HAUS2: variants seen among roughly 807,000 people sequenced by gnomAD.
HAUS2 encodes HAUS augmin-like complex subunit 2.
Under a neutral mutation model 21.6 loss-of-function variants are expected in HAUS2, and 20 were observed. The ratio of observed to expected loss-of-function variants is 0.93; its 90% confidence interval spans 0.65 to 1.35. The LOEUF is 1.35. Ranked by LOEUF, HAUS2 falls within the 40% of genes most tolerant of loss-of-function variation. The probability of loss-of-function intolerance (pLI) is 0.00; values close to 1 mark genes in which losing one functional copy is unlikely to be tolerated. For missense variants in HAUS2, 297 were observed against 280.7 expected (o/e 1.06, Z -0.42); for synonymous variants, 113 against 95.6 (o/e 1.18, Z -1.06).
At chr15:42,564,617 TGAGTAGG>T (rs2057887884) in intron 5 of HAUS2, among the ~76,000 whole-genome samples, 1 of 152,196 alleles carries the variant, frequency 6.6e-6, no homozygotes, top group Non-Finnish European at 1.5e-5. Context: ...AGGAGGATTC[TGAGTAGG>T]ATAGGGATAG....
intron 4 of HAUS2, 57 bp downstream of exon 4, chr15:42,561,459 T>G: frequency 1.7e-6 from 2 of 1,151,188 alleles, no homozygotes; most frequent in Non-Finnish European, 2.6e-6. Context: ...TTACTTTTTG[T>G]TTTGCAGTTA....
At chr15:42,550,237 G>T (rs762362384) in intron 1 of HAUS2, among the ~76,000 whole-genome samples, 3 of 149,806 alleles carry the variant, frequency 2.0e-5, no homozygotes, top group Non-Finnish European at 3.0e-5. Flanking sequence ...AGATGCGATC[G>T]GGCCACTGCA....
chr15:42,549,381 C>T (rs1421694821), intron 1 of HAUS2, among the ~76,000 whole-genome samples: 1 of 151,956 alleles, frequency 6.6e-6, no homozygotes, highest in Non-Finnish European at 1.5e-5. Context: ...GTATTTGGGG[C>T]GGGAGGTGCT....
chr15:42,559,214 A>G (rs981518626), intron 2 of HAUS2, 125 bp from the exon 3 acceptor site: 1 of 636,598 alleles, frequency 1.6e-6, no homozygotes, highest in Non-Finnish European at 2.9e-6. Flanking sequence ...GGCTCACTAC[A>G]TCCTGACCTC....
At position 42,569,465 on chromosome 15, in the gene HAUS2, C is replaced by G. The variant is rs942338465; in HGVS notation, c.*2649C>G. ...GGGACTATAGGCACGCGCCACCACG[C>G]CTGGCTAATTTTTGTATTTTCTGTA... On this transcript the variant is annotated 3_prime_UTR_variant, in exon 6 of 6. Coordinates refer to ENST00000260372, the MANE Select transcript of HAUS2 (RefSeq NM_018097.3). 1 of 152,034 alleles carries G rather than the reference C, an allele frequency of 6.6e-6. No individual in the cohort carries two copies. Among genetic ancestry groups the G allele is most frequent in the African/African-American group, 2.4e-5 (1 of 41,380 alleles). The allele number at this position is 152,034 out of a possible 1,614,324, so 9.4% of individuals were successfully genotyped here.
At chr15:42,560,620 C>CTT (rs35827490) in intron 3 of HAUS2, among the ~76,000 whole-genome samples, 8,861 of 140,078 alleles carry the variant, frequency 0.063, 869 homozygotes, top group African/African-American at 0.21. Context: ...TGTAGGATGA[C>CTT]TTTTTTTTTT....
chr15:42,557,323 A>ATATATTATATATAATATG (rs2057789440), intron 1 of HAUS2, among the ~76,000 whole-genome samples: 1 of 45,408 alleles, frequency 2.2e-5, no homozygotes, highest in Non-Finnish European at 6.6e-5. Flanking sequence ...TTAAAAATAT[A>ATATATTATATATAATATG]TATATTATAT....
chr15:42,565,820 C>T (rs2057899925), intron 5 of HAUS2, among the ~76,000 whole-genome samples: 1 of 152,082 alleles, frequency 6.6e-6, no homozygotes, highest in Non-Finnish European at 1.5e-5. Flanking sequence ...TAGAACTTGG[C>T]TATGAATTGG....
Position 42,548,883 on chromosome 15 carries a change from C to T in HAUS2, c.11C>T (p.Ala4Val). ...AGGTGCGTCCGAGCCATGGCCGCTG[C>T]CAACCCGTGGGACCCGGCGTCCGCG... MAAANPWDPASAPN... is the reference protein window; with the variant it reads MAAVNPWDPASAPN... Residue 4 changes from alanine (A) to valine (V), a missense_variant, in exon 1 of 6, where the codon GCC becomes GTC. By Grantham distance (64) the Ala-to-Val change is moderately conservative (BLOSUM62 0). Coordinates refer to ENST00000260372, the MANE Select transcript of HAUS2 (RefSeq NM_018097.3). 2 of 1,549,768 alleles carry T rather than the reference C, an allele frequency of 1.3e-6. No individual in the cohort carries two copies. Among genetic ancestry groups the T allele is most frequent in the South Asian group, 1.2e-5 (1 of 84,000 alleles).
At chr15:42,560,344 T>A (rs1298034832) in intron 3 of HAUS2, among the ~76,000 whole-genome samples, 3 of 152,036 alleles carry the variant, frequency 2.0e-5, no homozygotes, top group African/African-American at 4.8e-5. Context: ...GTAAAAAATA[T>A]CATGCTGTCT....
chr15:42,563,970 A>G (rs926304427), intron 5 of HAUS2, 113 bp downstream of exon 5: 4 of 677,308 alleles, frequency 5.9e-6, no homozygotes, highest in African/African-American at 5.6e-5. Flanking sequence ...TTTTAAATCA[A>G]GAAGTATTTT....
At chr15:42,550,539 T>G (rs1392935393) in intron 1 of HAUS2, among the ~76,000 whole-genome samples, 1 of 152,240 alleles carries the variant, frequency 6.6e-6, no homozygotes, top group Non-Finnish European at 1.5e-5. Context: ...GATACTGTAT[T>G]AAAAGATTTT....
At position 42,553,598 on chromosome 15, in the gene HAUS2, C is replaced by T. The variant is rs112555109; in HGVS notation, c.94-4600C>T. ...CAGGGATTACAGGTGAGAGCCACTG[C>T]ACCTGACCCTCTTTCTTTCTTCTCT... On this transcript the variant is annotated intron_variant, in intron 1 of 5. Coordinates refer to ENST00000260372, the MANE Select transcript of HAUS2 (RefSeq NM_018097.3). Among the ~76,000 whole-genome samples, 549 of 152,202 alleles carry T rather than the reference C, an allele frequency of 3.6e-3. 2 individuals carry two copies. The highest frequency in any genetic ancestry group is 0.013 in the African/African-American group (528 of 41,528).
intron 1 of HAUS2, among the ~76,000 whole-genome samples, chr15:42,555,532 G>A (rs2057764094): frequency 6.6e-6 from 1 of 152,162 alleles, no homozygotes; most frequent in African/African-American, 2.4e-5. Flanking sequence ...TAGCACTCAG[G>A]ATCATCTATG....
chr15:42,556,128 T>G (rs1486852256), intron 1 of HAUS2, among the ~76,000 whole-genome samples: 3 of 150,136 alleles, frequency 2.0e-5, no homozygotes, highest in Admixed American at 6.6e-5. Context: ...GCTAATTTTT[T>G]TTTTTTTTTT....
rs1165021091 is a variant in HAUS2, at chr15:42,548,871, C to G, written c.-2C>G. On this transcript the variant is annotated 5_prime_UTR_variant, in exon 1 of 6. Transcript: ENST00000260372. Reference sequence around the variant, plus strand: ...CGCCTTCGCGGAAGGTGCGTCCGAGCCATGGCCGCTGCCAACCCGTGGGAC... The same window carrying G: ...CGCCTTCGCGGAAGGTGCGTCCGAGGCATGGCCGCTGCCAACCCGTGGGAC... The G allele has an allele frequency of 6.5e-6, 10 of 1,548,034 alleles. No homozygotes were observed. The Admixed American group carries it at 2.0e-4, about 31-fold the overall frequency.
chr15:42,555,521 A>C (rs570300288), intron 1 of HAUS2, among the ~76,000 whole-genome samples: 22 of 152,334 alleles, frequency 1.4e-4, no homozygotes, highest in African/African-American at 4.8e-4. Flanking sequence ...ATTGTTGAGC[A>C]TAGCACTCAG....
chr15:42,550,338 C>T (rs558887972), intron 1 of HAUS2, among the ~76,000 whole-genome samples: 1 of 145,826 alleles, frequency 6.9e-6, no homozygotes, highest in South Asian at 2.1e-4. Flanking sequence ...ACGGAAAATA[C>T]ATAACTTTTT....
chr15:42,554,238 T>C (rs1183195742), intron 1 of HAUS2, among the ~76,000 whole-genome samples: 1 of 152,136 alleles, frequency 6.6e-6, no homozygotes, highest in Non-Finnish European at 1.5e-5. Context: ...AGTCTATTTC[T>C]CCACTAGTGT....
Sources: allele counts gnomAD v4.1 joint callset (sites outside exome capture counted in the v4.1 genomes callset), GRCh38; gene constraint gnomAD v4.1.1; transcripts MANE v1.5; gene names NCBI Gene and HGNC (gene_info 2026-07-23, HGNC 2026-07-21).